PSMC2: variants seen among roughly 807,000 people sequenced by gnomAD.
PSMC2 encodes proteasome 26S subunit, ATPase 2.
In PSMC2, 7 loss-of-function variants were observed where a neutral mutation model predicts 53.3. That is an observed-to-expected ratio of 0.13 (90% CI 0.07 to 0.25). The LOEUF is 0.25. Among genes scored for constraint, PSMC2 ranks in the 10% least tolerant of loss-of-function variants. The pLI is 1.00. For synonymous variants in PSMC2, 169 were observed against 183.9 expected, an observed-to-expected ratio of 0.92 and a Z score of 0.66; for missense variants, 241 against 544.0, an observed-to-expected ratio of 0.44 and a Z score of 5.54.
intron 8 of PSMC2, 106 bp downstream of exon 8, chr7:103,364,413 T>A (rs1820579932): frequency 7.6e-7 from 1 of 1,319,470 alleles, no homozygotes; most frequent in South Asian, 1.4e-5. Context: ...CTGAAATTTC[T>A]TTTTTCTTTT....
intron 8 of PSMC2, among the ~76,000 whole-genome samples, chr7:103,365,119 A>G (rs1447873239): frequency 6.6e-6 from 1 of 151,860 alleles, no homozygotes. Context: ...TTGCAAGTCA[A>G]ATTCAATGAT....
rs1820799963 is a variant in PSMC2, at chr7:103,367,879, T to C, written c.1145-18T>C. ...GGCTGCTTTAATTAAGCCCGTTTAT[T>C]TTCTTTTTGTTTGAAAGGTGCTGAG... On this transcript the variant is annotated intron_variant, in intron 11 of 11. Coordinates refer to ENST00000292644, the MANE Select transcript of PSMC2 (RefSeq NM_002803.4). The surrounding 1 kb of genome is among the most constrained non-coding windows in gnomAD (Gnocchi z 6.1). 6.2e-7 allele frequency: 1 copy of C among 1,611,764 alleles called. No individual in the cohort carries two copies. Among genetic ancestry groups the C allele is most frequent in the East Asian group, 2.2e-5 (1 of 44,856 alleles).
At chr7:103,354,159 A>T (rs1819890311) in intron 2 of PSMC2, among the ~76,000 whole-genome samples, 1 of 152,154 alleles carries the variant, frequency 6.6e-6, no homozygotes, top group African/African-American at 2.4e-5. Context: ...TTACCTACCT[A>T]AAGTTTATAG....
chr7:103,349,427 G>A (rs1005145371), intron 1 of PSMC2, among the ~76,000 whole-genome samples: 1 of 151,900 alleles, frequency 6.6e-6, no homozygotes, highest in Non-Finnish European at 1.5e-5. Context: ...ATGTATATAG[G>A]ATCTTATGCG....
chr7:103,361,148 C>A (rs966908608), intron 4 of PSMC2, among the ~76,000 whole-genome samples: 2 of 110,172 alleles, frequency 1.8e-5, no homozygotes, highest in African/African-American at 6.5e-5. Context: ...CAAGCTTCTA[C>A]TGCCTCAGTT....
At chr7:103,352,847 C>T in intron 1 of PSMC2, 1 of 780,896 alleles carries the variant, frequency 1.3e-6, no homozygotes. Flanking sequence ...CCCTGTCCAC[C>T]TGGCCCCAAA....
In PSMC2 at chr7:103,366,070, C is replaced by T. The variant is rs1820704306; in HGVS notation, c.757-6C>T. Reference sequence around the variant, plus strand: ...TTTTGAATTAATAAATCATTTTTCTCATTAGGGGGCTCGAATGGTTCGTGA... The same window carrying T: ...TTTTGAATTAATAAATCATTTTTCTTATTAGGGGGCTCGAATGGTTCGTGA... On this transcript the variant is annotated splice_polypyrimidine_tract_variant and splice_region_variant and intron_variant, in intron 8 of 11. Coordinates refer to ENST00000292644, the MANE Select transcript of PSMC2 (RefSeq NM_002803.4). 1.9e-6 allele frequency: 3 copies of T among 1,606,338 alleles called. No individual in the cohort carries two copies. The highest frequency in any genetic ancestry group is 2.5e-6 in the Non-Finnish European group (3 of 1,176,576).
intron 8 of PSMC2, among the ~76,000 whole-genome samples, chr7:103,364,955 A>G (rs543459477): frequency 6.3e-5 from 4 of 63,016 alleles, no homozygotes; most frequent in Non-Finnish European, 9.0e-5. Context: ...GTTTGTAGAC[A>G]TACATATATA....
chr7:103,348,509 GTATT>G (rs1349152200), intron 1 of PSMC2: 1 of 650,884 alleles, frequency 1.5e-6, no homozygotes, highest in Non-Finnish European at 2.9e-6. Flanking sequence ...ATACAGTAAT[GTATT>G]TATTATTGAT....
At chr7:103,362,575 C>T (rs1042858009) in intron 5 of PSMC2, 111 bp from the exon 6 acceptor site, 27 of 1,421,532 alleles carry the variant, frequency 1.9e-5, no homozygotes, top group Non-Finnish European at 2.6e-5. Context: ...ATTAGGGACT[C>T]TGTCTCTCTC....
intron 1 of PSMC2, chr7:103,348,821 A>G (rs900401452): frequency 7.1e-6 from 5 of 699,994 alleles, no homozygotes; most frequent in Non-Finnish European, 1.3e-5. Flanking sequence ...ATGGAAAACC[A>G]TGATAGTTCT....
chr7:103,363,662 T>C (rs1186190194), intron 7 of PSMC2, among the ~76,000 whole-genome samples: 1 of 150,916 alleles, frequency 6.6e-6, no homozygotes, highest in Non-Finnish European at 1.5e-5. Context: ...ATCTGCTGTT[T>C]ACAGTGACAG....
chr7:103,365,420 T>G (rs1483489227), intron 8 of PSMC2, among the ~76,000 whole-genome samples: 4 of 150,850 alleles, frequency 2.7e-5, no homozygotes, highest in Non-Finnish European at 5.9e-5. Flanking sequence ...TCACCTAAGG[T>G]CAGGAGTTGG....
At chr7:103,356,640 G>A (rs777848553) in intron 4 of PSMC2, among the ~76,000 whole-genome samples, 11 of 151,984 alleles carry the variant, frequency 7.2e-5, no homozygotes, top group Non-Finnish European at 1.6e-4. Context: ...TTGTTCTTGG[G>A]TTGTTTCTTG....
At chr7:103,360,970 C>T (rs918688136) in intron 4 of PSMC2, among the ~76,000 whole-genome samples, 2 of 151,786 alleles carry the variant, frequency 1.3e-5, no homozygotes, top group African/African-American at 4.8e-5. Flanking sequence ...AACAATTAGC[C>T]GGGCGTGCTG....
rs368268286 is a variant in PSMC2 at position 103,362,794 on chromosome 7, C to CTTT, written c.495+53_495+55dup. Reference sequence around the variant, plus strand: ...ATGGGAGGGAAAAGGAAGGCTATGTCTTTTTTTTTTTTTTTTTTTGAGGCG... The same window carrying CTTT: ...ATGGGAGGGAAAAGGAAGGCTATGTCTTTTTTTTTTTTTTTTTTTTTTGAGGCG... On this transcript the variant is annotated intron_variant, in intron 6 of 11. Transcript: ENST00000292644. 3,009 of 838,470 alleles carry CTTT rather than the reference C, an allele frequency of 3.6e-3. 37 individuals are homozygous for CTTT. The highest frequency in any genetic ancestry group is 0.031 in the African/African-American group (1,581 of 50,390). 51.9% of individuals were successfully genotyped at this position (838,470 alleles called of 1,614,324 possible).
chr7:103,360,228 T>A (rs527437414), intron 4 of PSMC2, among the ~76,000 whole-genome samples: 26 of 152,326 alleles, frequency 1.7e-4, no homozygotes, highest in Admixed American at 1.4e-3. Flanking sequence ...ATCTCATAAC[T>A]TTTTGGTGAT....
In PSMC2 at chr7:103,366,140, T is replaced by G. The variant is rs774315848; in HGVS notation, c.821T>G (p.Phe274Cys). ...ARTKKACLIF[F>C]DEIDAIGGAR... The stretch of plus-strand genomic sequence containing the variant: ...ACAAAAAAAGCCTGCCTTATCTTCT[T>G]TGATGAAATTGATGCTATTGGAGGT... The change falls in exon 9 of 12, where the codon TTT (phenylalanine) becomes TGT (cysteine). Residue 274 changes from phenylalanine to cysteine, a missense_variant. By Grantham distance (205) the Phe-to-Cys change is radical (BLOSUM62 -2). Coordinates refer to ENST00000292644, the MANE Select transcript of PSMC2 (RefSeq NM_002803.4). The G allele has an allele frequency of 6.2e-7, 1 of 1,613,500 alleles. No individual in the cohort carries two copies. The highest frequency in any genetic ancestry group is 8.5e-7 in the Non-Finnish European group (1 of 1,179,474).
In PSMC2 at chr7:103,364,128, G is replaced by T. The variant is rs141423831; in HGVS notation, c.592-15G>T. On this transcript the variant is annotated splice_polypyrimidine_tract_variant and intron_variant, in intron 7 of 11. Transcript: ENST00000292644. Reference sequence around the variant, plus strand: ...TACAGAAGTGGTAAGTGTGAAAATTGTGTCTCTATCACAGCCAGAGAGGTT... The same window carrying T: ...TACAGAAGTGGTAAGTGTGAAAATTTTGTCTCTATCACAGCCAGAGAGGTT... 4.5e-4 allele frequency: 719 copies of T among 1,609,514 alleles called. 5 individuals are homozygous for T. The African/African-American group carries it at 8.3e-3, about 19-fold the overall frequency.
Sources: gnomAD v4.1 joint callset for allele counts (sites outside exome capture counted in the v4.1 genomes callset) on GRCh38, gnomAD v4.1.1 for gene constraint, Gnocchi (gnomAD v3.1) non-coding constraint, MANE v1.5 for transcripts, NCBI Gene and HGNC (gene_info 2026-07-23, HGNC 2026-07-21) for gene names.